Variants in CCDC137 observed in about 807,000 individuals in gnomAD.
CCDC137 encodes coiled-coil domain containing 137.
Under a neutral mutation model 30.4 loss-of-function variants are expected in CCDC137, and 24 were observed. That is an observed-to-expected ratio of 0.79 (90% CI 0.57 to 1.11). CCDC137 has a LOEUF of 1.11. CCDC137 is among the 50% of genes least tolerant of loss of function. CCDC137 has a pLI of 0.00. For synonymous variants in CCDC137, 182 were observed against 155.7 expected (o/e 1.17, Z -1.26); for missense variants, 417 against 380.4 (o/e 1.10, Z -0.80).
chr17:81,667,789 C>T lies in CCDC137; in HGVS notation c.195C>T (p.Phe65=). The change falls in exon 2 of 6, where the codon TTC becomes TTT. Residue 65 remains phenylalanine, a synonymous_variant. Coordinates refer to ENST00000329214, the MANE Select transcript of CCDC137 (RefSeq NM_199287.3). The part of the protein sequence containing the change: ...PKNQDEQEIP[F]RLREIMRSRQ... ...ACCAGGACGAACAGGAGATTCCTTT[C>T]CGGCTCCGGGAGATTATGAGGAGCC... The T allele has an allele frequency of 6.2e-7, 1 of 1,613,196 alleles. No individual in the cohort carries two copies. The highest frequency in any genetic ancestry group is 8.5e-7 in the Non-Finnish European group (1 of 1,180,000).
intron 5 of CCDC137, 32 bp downstream of exon 5, chr17:81,672,187 TC>T: frequency 1.2e-6 from 2 of 1,601,262 alleles, no homozygotes; most frequent in Non-Finnish European, 1.7e-6. Flanking sequence ...CTTGAGTTTG[TC>T]CCCCAGTGCT....
chr17:81,669,274 T>G (rs1431462390), intron 2 of CCDC137, among the ~76,000 whole-genome samples: 2 of 151,704 alleles, frequency 1.3e-5, no homozygotes, highest in African/African-American at 4.8e-5. Flanking sequence ...GCCCCCCCAG[T>G]AGCTGGGATT....
intron 3 of CCDC137, among the ~76,000 whole-genome samples, chr17:81,670,918 G>A (rs1341029707): frequency 6.6e-6 from 1 of 152,106 alleles, no homozygotes; most frequent in Non-Finnish European, 1.5e-5. Flanking sequence ...CACGAGGTCA[G>A]GAGATCGAGA....
intron 2 of CCDC137, among the ~76,000 whole-genome samples, chr17:81,669,463 A>G (rs950424051): frequency 1.5e-4 from 23 of 151,926 alleles, no homozygotes; most frequent in African/African-American, 4.4e-4. Flanking sequence ...GTCTTCACAT[A>G]TTTATGAACA....
Position 81,672,581 on chromosome 17 carries a change from G to T in CCDC137, c.747G>T (p.Arg249=), listed in dbSNP as rs372242681. ...TGACCGCCTCCCTGGCCCGCCAGCG[G>T]ATTGTGGAGGAGGAGAGAGAGCGGG... ...QPLTASLARQ[R]IVEEERERAV... The change falls in exon 6 of 6, where the codon CGG becomes CGT. Residue 249 remains arginine (R), a synonymous_variant. Coordinates refer to ENST00000329214, the MANE Select transcript of CCDC137 (RefSeq NM_199287.3). 1.9e-6 allele frequency: 3 copies of T among 1,582,174 alleles called. No homozygotes were observed. The highest frequency in any genetic ancestry group is 8.6e-7 in the Non-Finnish European group (1 of 1,164,786).
chr17:81,672,160 G>A lies in CCDC137; in HGVS notation c.660+5G>A, dbSNP rs751117971. ...AGGAGCGTAAGCAAGGACCAGGTAA[G>A]TGGGGCACGGGGACAACTTGAGTTT... On this transcript the variant is annotated splice_donor_5th_base_variant and intron_variant, in intron 5 of 5. Transcript: ENST00000329214. 6 of 1,613,738 alleles carry A rather than the reference G, an allele frequency of 3.7e-6. No individual in the cohort carries two copies. In the South Asian group the frequency reaches 6.6e-5, roughly 18 times the overall value.
Position 81,667,825 on chromosome 17 carries a change from G to A in CCDC137, c.231G>A (p.Met77Ile). Residue 77 changes from methionine (M) to isoleucine (I), a missense_variant, in exon 2 of 6, where the codon ATG becomes ATA. Physicochemically the swap from Met to Ile is conservative, Grantham distance 10. Coordinates refer to ENST00000329214, the MANE Select transcript of CCDC137 (RefSeq NM_199287.3). ...AGATTATGAGGAGCCGCCAAGAGAT[G>A]AAAAACCCGATCAGTAACAAGAAGA... ...LREIMRSRQEMKNPISNKKRK... is the reference protein window; with the variant it reads ...LREIMRSRQEIKNPISNKKRK... 1 of 1,612,276 alleles carries A rather than the reference G, an allele frequency of 6.2e-7. No homozygotes were observed. Among genetic ancestry groups the A allele is most frequent in the Non-Finnish European group, 8.5e-7 (1 of 1,179,998 alleles).
chr17:81,666,852 T>G lies in CCDC137; in HGVS notation c.86T>G (p.Val29Gly). ...CGGCGAGCGCGGGGGCGGCAGCAAGTGCAGCCGCTGGGGAAGCAGCGCCCA... is the reference window on the plus strand; with the variant it reads ...CGGCGAGCGCGGGGGCGGCAGCAAGGGCAGCCGCTGGGGAAGCAGCGCCCA... The part of the protein sequence containing the change: ...SPRRARGRQQ[V>G]QPLGKQRPAP... Residue 29 changes from valine to glycine, a missense_variant, in exon 1 of 6, where the codon GTG becomes GGG. Coordinates refer to ENST00000329214, the MANE Select transcript of CCDC137 (RefSeq NM_199287.3). The G allele has an allele frequency of 2.3e-6, 3 of 1,325,406 alleles. No homozygotes were observed. The highest frequency in any genetic ancestry group is 2.8e-4 in the Middle Eastern group (1 of 3,538). 82.1% of individuals were successfully genotyped at this position (1,325,406 alleles called of 1,614,324 possible).
Position 81,672,726 on chromosome 17 carries a change from G to T in CCDC137, c.*22G>T, listed in dbSNP as rs201048025. On this transcript the variant is annotated 3_prime_UTR_variant, in exon 6 of 6. Coordinates refer to ENST00000329214, the MANE Select transcript of CCDC137 (RefSeq NM_199287.3). ...GTGATGGAGAGACACCCGGGGCCTG[G>T]CCACGCTCTGGGGCAACTGGCACCA... 1.3e-6 allele frequency: 2 copies of T among 1,535,394 alleles called. No individual in the cohort carries two copies. The highest frequency in any genetic ancestry group is 2.0e-5 in the Admixed American group (1 of 50,844).
In CCDC137 at chr17:81,672,772, GGA is replaced by G; in HGVS notation, c.*74_*75del. The G allele has an allele frequency of 7.1e-7, 1 of 1,414,976 alleles. No individual in the cohort carries two copies. 87.7% of individuals were successfully genotyped at this position (1,414,976 alleles called of 1,614,324 possible). A position where few individuals can be genotyped will look rare whatever the true frequency, so the allele number is the denominator to read the frequency against. Reference sequence around the variant, plus strand: ...CACCAGGAGCTGCTACACCTGGGTAGGAGAGAGGCAGGCCATGCCAGCAGTGT... The same window carrying G: ...CACCAGGAGCTGCTACACCTGGGTAGGAGAGGCAGGCCATGCCAGCAGTGT... On this transcript the variant is annotated 3_prime_UTR_variant, in exon 6 of 6. Coordinates refer to ENST00000329214, the MANE Select transcript of CCDC137 (RefSeq NM_199287.3).
chr17:81,670,353 G>A lies in CCDC137; in HGVS notation c.397G>A (p.Ala133Thr), dbSNP rs372342144. 1.7e-5 allele frequency: 27 copies of A among 1,613,842 alleles called. No individual in the cohort carries two copies. The highest frequency in any genetic ancestry group is 2.7e-5 in the African/African-American group (2 of 75,038). ...CTATATCCACCGCATGCAGCAAGAG[G>A]CCCAGCATGTGCTGTTCCTCAGCAA... is the stretch of plus-strand genomic sequence containing the variant. ...GAYIHRMQQEAQHVLFLSKNQ... is the reference protein window; with the variant it reads ...GAYIHRMQQETQHVLFLSKNQ... The change falls in exon 3 of 6, where the codon GCC (alanine) becomes ACC (threonine). Residue 133 changes from alanine to threonine, a missense_variant. Ala to Thr is a moderately conservative substitution (Grantham distance 58). Coordinates refer to ENST00000329214, the MANE Select transcript of CCDC137 (RefSeq NM_199287.3).
rs79563828 is a variant in CCDC137 at position 81,671,794 on chromosome 17, C to T, written c.548C>T (p.Ala183Val). Residue 183 changes from alanine (A) to valine (V), a missense_variant, in exon 4 of 6, where the codon GCG (alanine) becomes GTG (valine). Physicochemically the swap from Ala to Val is moderately conservative, Grantham distance 64. Coordinates refer to ENST00000329214, the MANE Select transcript of CCDC137 (RefSeq NM_199287.3). ...GTCCGACGGAAAAAGGAGGAAAAGG[C>T]GGCAGACAGGCTGGAGCAGGAGTTG... ...DKVRRKKEEK[A>V]ADRLEQELLR... The T allele has an allele frequency of 1.9e-4, 314 of 1,613,144 alleles. 3 individuals are homozygous for T. In the East Asian group the frequency reaches 6.8e-3, roughly 35 times the overall value.
rs752481036 is a variant in CCDC137 at position 81,672,657 on chromosome 17, G to A, written c.823G>A (p.Glu275Lys). ...GCAGCGGCAGCAGCAGCTGCACGGG[G>A]AGCGACCCCACCTCACTTCCCGGAA... ...LKQRQQQLHGERPHLTSRKKP... is the reference protein window; with the variant it reads ...LKQRQQQLHGKRPHLTSRKKP... The change falls in exon 6 of 6, where the codon GAG becomes AAG. Residue 275 changes from glutamate (E) to lysine (K), a missense_variant. Physicochemically the swap from Glu to Lys is moderately conservative, Grantham distance 56. Coordinates refer to ENST00000329214, the MANE Select transcript of CCDC137 (RefSeq NM_199287.3). The A allele has an allele frequency of 8.1e-6, 13 of 1,601,202 alleles. No homozygotes were observed. Among genetic ancestry groups the A allele is most frequent in the Non-Finnish European group, 1.1e-5 (13 of 1,174,936 alleles).
intron 3 of CCDC137, 107 bp downstream of exon 3, chr17:81,670,560 GCCT>G: frequency 3.0e-6 from 3 of 1,001,816 alleles, no homozygotes; most frequent in Non-Finnish European, 4.4e-6. Flanking sequence ...CCATGGGGCA[GCCT>G]GGATTCAGGG....
intron 3 of CCDC137, 135 bp from the exon 4 acceptor site, chr17:81,671,609 G>T: frequency 1.3e-6 from 1 of 774,726 alleles, no homozygotes; most frequent in South Asian, 1.6e-5. Context: ...AGGGGAGCGG[G>T]GACTTGGAGG....
chr17:81,670,746 G>T (rs2036710910), intron 3 of CCDC137, among the ~76,000 whole-genome samples: 1 of 152,228 alleles, frequency 6.6e-6, no homozygotes, highest in South Asian at 2.1e-4. Context: ...TCAGCCCTGA[G>T]GGGGTCGGTC....
rs1464327795 is a variant in CCDC137 at position 81,672,538 on chromosome 17, G to T, written c.704G>T (p.Gly235Val). Residue 235 changes from glycine (G) to valine (V), a missense_variant, in exon 6 of 6, where the codon GGT becomes GTT. Gly to Val is a moderately radical substitution (Grantham distance 109). Transcript: ENST00000329214. ...ATGCTGCGGATGCTTCTGAGCCCCG[G>T]TGGTGTGTCCCAGCCTCTGACCGCC... is the stretch of plus-strand genomic sequence containing the variant. ...SQMLRMLLSP[G>V]GVSQPLTASL... 1.3e-6 allele frequency: 2 copies of T among 1,568,784 alleles called. No homozygotes were observed. The highest frequency in any genetic ancestry group is 2.7e-5 in the African/African-American group (2 of 73,914).
chr17:81,669,509 C>T (rs923121576), intron 2 of CCDC137, among the ~76,000 whole-genome samples: 1 of 152,178 alleles, frequency 6.6e-6, no homozygotes, highest in Non-Finnish European at 1.5e-5. Flanking sequence ...CTCCTGTGTT[C>T]TACACTCGCC....
At position 81,671,880 on chromosome 17, in the gene CCDC137, C is replaced by T; in HGVS notation, c.580+54C>T. 2.5e-6 allele frequency: 4 copies of T among 1,595,384 alleles called. No homozygotes were observed. In the East Asian group the frequency reaches 8.9e-5, roughly 36 times the overall value. On this transcript the variant is annotated intron_variant, in intron 4 of 5. Transcript: ENST00000329214. ...CAGTGGTCCGGGTGGGGCCTGGGCG[C>T]AGGCCTTCTGTTCCCCACCAGCCCT...
Sources: gnomAD v4.1 joint callset for allele counts (sites outside exome capture counted in the v4.1 genomes callset) on GRCh38, gnomAD v4.1.1 for gene constraint, MANE v1.5 for transcripts, NCBI Gene and HGNC (gene_info 2026-07-23, HGNC 2026-07-21) for gene names.